The following GAS1 variants were observed in gnomAD, a reference collection of about 807,000 sequenced individuals.
The protein encoded by GAS1 is growth arrest specific 1.
A neutral mutation model predicts 21.6 loss-of-function variants in GAS1; 10 were observed. That is an observed-to-expected ratio of 0.46 (90% confidence interval 0.29 to 0.79). GAS1 has a LOEUF of 0.79. GAS1 is among the 30% of genes least tolerant of loss of function. The probability of loss-of-function intolerance (pLI) is 0.10; values close to 1 mark genes in which losing one functional copy is unlikely to be tolerated. For missense variants in GAS1, 567 were observed against 544.3 expected (o/e 1.04, Z -0.42); for synonymous variants, 332 against 264.0 (o/e 1.26, Z -2.50).
Position 86,947,407 on chromosome 9 carries a change from C to T in GAS1, c.-628G>A, listed in dbSNP as rs1377103146. On this transcript the variant is annotated 5_prime_UTR_variant, in exon 1 of 1. Coordinates refer to ENST00000298743, the MANE Select transcript of GAS1 (RefSeq NM_002048.3). ...CTCTTTCCGGGAAGCGCGGGGAGAACAAGAAAGTCGGCGCTGCCGGAGAGC... is the reference window on the plus strand; with the variant it reads ...CTCTTTCCGGGAAGCGCGGGGAGAATAAGAAAGTCGGCGCTGCCGGAGAGC... Among the ~76,000 whole-genome samples, 1 of 152,054 alleles carries T rather than the reference C, an allele frequency of 6.6e-6. No homozygotes were observed. The highest frequency in any genetic ancestry group is 2.4e-5 in the African/African-American group (1 of 41,436).
rs1312367344 is a variant in GAS1 at position 86,947,252 on chromosome 9, C to T, written c.-473G>A. The T allele has an allele frequency of 6.6e-6, 1 of 151,596 alleles. No homozygotes were observed. The highest frequency in any genetic ancestry group is 1.5e-5 in the Non-Finnish European group (1 of 67,940). The allele number at this position is 151,596 out of a possible 1,614,324, so 9.4% of individuals were successfully genotyped here. ...AGTGCCTCGCCGCCGCCACCGCCGC[C>T]GCGGTCTCTCGCATCGCGCCGCTTC... On this transcript the variant is annotated 5_prime_UTR_variant, in exon 1 of 1. Coordinates refer to ENST00000298743, the MANE Select transcript of GAS1 (RefSeq NM_002048.3).
rs1285964404 is a variant in GAS1 at position 86,946,013 on chromosome 9, C to A, written c.767G>T (p.Gly256Val). Residue 256 changes from glycine to valine, a missense_variant, in exon 1 of 1, where the codon GGC becomes GTC. Gly to Val is a moderately radical substitution (Grantham distance 109). Transcript: ENST00000298743. This position sits in a 1 kb window ranked among gnomAD's most constrained non-coding sequence, Gnocchi z 5.2. ...AELGNGPGSS[G>V]SDGGLDDYYD... ...GTAGTCGTCCAGGCCCCCGTCCGAG[C>A]CGCTGCTGCCGGGGCCGTTGCCCAG... 2 of 1,608,112 alleles carry A rather than the reference C, an allele frequency of 1.2e-6. No homozygotes were observed. Among genetic ancestry groups the A allele is most frequent in the African/African-American group, 2.7e-5 (2 of 74,882 alleles).
rs981927518 is a variant in GAS1, at chr9:86,945,836, C to A, written c.944G>T (p.Arg315Leu). 65 of 1,505,534 alleles carry A rather than the reference C, an allele frequency of 4.3e-5. No homozygotes were observed. The highest frequency in any genetic ancestry group is 5.5e-5 in the Non-Finnish European group (62 of 1,130,026). The allele number at this position is 1,505,534 out of a possible 1,614,324, so 93.3% of individuals were successfully genotyped here. A position where few individuals can be genotyped will look rare whatever the true frequency, so the allele number is the denominator to read the frequency against. ...GCGGCCGCCGCCGCCGCTGCTCCTG[C>A]GCCCAGGCCCATAGGGCAGGTCCCC... ...GRGDLPYGPG[R>L]RSSGGGGRLA... is the part of the protein sequence containing the mutation. Residue 315 changes from arginine (R) to leucine (L), a missense_variant, in exon 1 of 1, where the codon CGC becomes CTC. Coordinates refer to ENST00000298743, the MANE Select transcript of GAS1 (RefSeq NM_002048.3).
At position 86,946,216 on chromosome 9, in the gene GAS1, G is replaced by A. The variant is rs752725446; in HGVS notation, c.564C>T (p.Thr188=). Residue 188 remains threonine (T), a synonymous_variant, in exon 1 of 1, where the codon ACC becomes ACT. Coordinates refer to ENST00000298743, the MANE Select transcript of GAS1 (RefSeq NM_002048.3). The surrounding 1 kb of genome is among the most constrained non-coding windows in gnomAD (Gnocchi z 5.2). ...RCNLALSRYL[T]YCGKVFNGLR... is the part of the protein sequence containing the mutation. ...GCCCGTTGAAGACTTTGCCGCAGTAGGTCAGGTAGCGGCTCAGCGCCAGGT... is the reference window on the plus strand; with the variant it reads ...GCCCGTTGAAGACTTTGCCGCAGTAAGTCAGGTAGCGGCTCAGCGCCAGGT... 6.3e-7 allele frequency: 1 copy of A among 1,597,976 alleles called. No individual in the cohort carries two copies. The highest frequency in any genetic ancestry group is 8.5e-7 in the Non-Finnish European group (1 of 1,177,904).
Position 86,946,412 on chromosome 9 carries a change from G to A in GAS1, c.368C>T (p.Pro123Leu), listed in dbSNP as rs942754517. 8 of 1,492,102 alleles carry A rather than the reference G, an allele frequency of 5.4e-6. No homozygotes were observed. Among genetic ancestry groups the A allele is most frequent in the East Asian group, 2.7e-5 (1 of 36,392 alleles). The allele number at this position is 1,492,102 out of a possible 1,614,324, so 92.4% of individuals were successfully genotyped here. The change falls in exon 1 of 1, where the codon CCC becomes CTC. Residue 123 changes from proline to leucine, a missense_variant. Pro to Leu is a moderately conservative substitution (Grantham distance 98, BLOSUM62 -3). Coordinates refer to ENST00000298743, the MANE Select transcript of GAS1 (RefSeq NM_002048.3). This position sits in a 1 kb window ranked among gnomAD's most constrained non-coding sequence, Gnocchi z 5.2. ...CGCGCAGTCACAGTCCTCCAGGGCG[G>A]GCCCGCGGCGCGTGTGGTTGAGCTG... ...LIQLNHTRRG[P>L]ALEDCDCAQD...
At position 86,945,761 on chromosome 9, in the gene GAS1, A is replaced by C; in HGVS notation, c.1019T>G (p.Leu340Arg). The C allele has an allele frequency of 6.6e-7, 1 of 1,521,722 alleles. No individual in the cohort carries two copies. Among genetic ancestry groups the C allele is most frequent in the Non-Finnish European group, 8.8e-7 (1 of 1,133,186 alleles). The allele number at this position is 1,521,722 out of a possible 1,614,324, so 94.3% of individuals were successfully genotyped here. A position where few individuals can be genotyped will look rare whatever the true frequency, so the allele number is the denominator to read the frequency against. The change falls in exon 1 of 1, where the codon CTG becomes CGG. Residue 340 changes from leucine (L) to arginine (R), a missense_variant. Coordinates refer to ENST00000298743, the MANE Select transcript of GAS1 (RefSeq NM_002048.3). The part of the protein sequence containing the change: ...WTPLASILLL[L>R]LGPLF ...CGAGGGCTAAAAGAGCGGCCCAAGC[A>C]GCAGCAGCAAGATGGAGGCGAGTGG...
chr9:86,945,670 C>T lies in GAS1; in HGVS notation c.*72G>A. On this transcript the variant is annotated 3_prime_UTR_variant, in exon 1 of 1. Transcript: ENST00000298743. ...CTATCTGTCCCAAGCCACAGGTGCC[C>T]GGCGCGGGGTCGAGGCGAGCACGGG... 1 of 1,400,350 alleles carries T rather than the reference C, an allele frequency of 7.1e-7. No homozygotes were observed. The highest frequency in any genetic ancestry group is 3.0e-5 in the East Asian group (1 of 33,648). The allele number at this position is 1,400,350 out of a possible 1,614,324, so 86.7% of individuals were successfully genotyped here.
chr9:86,945,579 G>C lies in GAS1; in HGVS notation c.*163C>G, dbSNP rs1825469648. The C allele has an allele frequency of 1.6e-6, 1 of 606,790 alleles. No individual in the cohort carries two copies. The highest frequency in any genetic ancestry group is 2.0e-5 in the African/African-American group (1 of 50,890). 37.6% of individuals were successfully genotyped at this position (606,790 alleles called of 1,614,324 possible). On this transcript the variant is annotated 3_prime_UTR_variant, in exon 1 of 1. Coordinates refer to ENST00000298743, the MANE Select transcript of GAS1 (RefSeq NM_002048.3). Reference sequence around the variant, plus strand: ...TTCAGGGGAAGTGCCCAGAGTCGTGGCCGGGGAACCGGCTACACCAAGTTG... The same window carrying C: ...TTCAGGGGAAGTGCCCAGAGTCGTGCCCGGGGAACCGGCTACACCAAGTTG...
chr9:86,946,361 T>C lies in GAS1; in HGVS notation c.419A>G (p.Lys140Arg), dbSNP rs1825489318. ...CAQDENCKST[K>R]RAIEPCLPRT... ...GGGCAGGCACGGCTCAATGGCGCGC[T>C]TGGTGGACTTGCAGTTCTCGTCCTG... The change falls in exon 1 of 1, where the codon AAG (lysine) becomes AGG (arginine). Residue 140 changes from lysine (K) to arginine (R), a missense_variant. Physicochemically the swap from Lys to Arg is conservative, Grantham distance 26 (BLOSUM62 2). Coordinates refer to ENST00000298743, the MANE Select transcript of GAS1 (RefSeq NM_002048.3). This position sits in a 1 kb window ranked among gnomAD's most constrained non-coding sequence, Gnocchi z 5.2. 2 of 1,467,402 alleles carry C rather than the reference T, an allele frequency of 1.4e-6. No individual in the cohort carries two copies. The highest frequency in any genetic ancestry group is 9.0e-7 in the Non-Finnish European group (1 of 1,112,110). 90.9% of individuals were successfully genotyped at this position (1,467,402 alleles called of 1,614,324 possible).
chr9:86,945,780 C>T lies in GAS1; in HGVS notation c.1000G>A (p.Ala334Thr), dbSNP rs752391786. 2.7e-6 allele frequency: 4 copies of T among 1,503,682 alleles called. No homozygotes were observed. Among genetic ancestry groups the T allele is most frequent in the South Asian group, 2.4e-5 (2 of 81,806 alleles). 93.1% of individuals were successfully genotyped at this position (1,503,682 alleles called of 1,614,324 possible). ...CCAAGCAGCAGCAGCAAGATGGAGG[C>T]GAGTGGGGTCCAGGCGCCCCGGGGC... is the stretch of plus-strand genomic sequence containing the variant. ...LAPRGAWTPL[A>T]SILLLLLGPL... Residue 334 changes from alanine (A) to threonine (T), a missense_variant, in exon 1 of 1, where the codon GCC becomes ACC. Physicochemically the swap from Ala to Thr is moderately conservative, Grantham distance 58. Coordinates refer to ENST00000298743, the MANE Select transcript of GAS1 (RefSeq NM_002048.3).
rs1322731786 is a variant in GAS1, at chr9:86,945,794, G to A, written c.986C>T (p.Ala329Val). Residue 329 changes from alanine to valine, a missense_variant, in exon 1 of 1, where the codon GCC (alanine) becomes GTC (valine). Physicochemically the swap from Ala to Val is moderately conservative, Grantham distance 64. Transcript: ENST00000298743. ...GGGGRLAPRGAWTPLASILLL... is the reference protein window; with the variant it reads ...GGGGRLAPRGVWTPLASILLL... Reference sequence around the variant, plus strand: ...CAAGATGGAGGCGAGTGGGGTCCAGGCGCCCCGGGGCGCCAAGCGGCCGCC... The same window carrying A: ...CAAGATGGAGGCGAGTGGGGTCCAGACGCCCCGGGGCGCCAAGCGGCCGCC... 2.0e-6 allele frequency: 3 copies of A among 1,517,310 alleles called. No individual in the cohort carries two copies. The highest frequency in any genetic ancestry group is 2.7e-5 in the East Asian group (1 of 37,530). The allele number at this position is 1,517,310 out of a possible 1,614,324, so 94.0% of individuals were successfully genotyped here. A position where few individuals can be genotyped will look rare whatever the true frequency, so the allele number is the denominator to read the frequency against.
chr9:86,946,614 G>C lies in GAS1; in HGVS notation c.166C>G (p.Gln56Glu), dbSNP rs1825497984. 2.1e-6 allele frequency: 3 copies of C among 1,451,518 alleles called. No homozygotes were observed. The highest frequency in any genetic ancestry group is 2.7e-6 in the Non-Finnish European group (3 of 1,104,542). The allele number at this position is 1,451,518 out of a possible 1,614,324, so 89.9% of individuals were successfully genotyped here. Residue 56 changes from glutamine (Q) to glutamate (E), a missense_variant, in exon 1 of 1, where the codon CAG (glutamine) becomes GAG (glutamate). Physicochemically the swap from Gln to Glu is conservative, Grantham distance 29. Coordinates refer to ENST00000298743, the MANE Select transcript of GAS1 (RefSeq NM_002048.3). The surrounding 1 kb of genome is among the most constrained non-coding windows in gnomAD (Gnocchi z 5.2). ...GCGTAGCTGCACTCCGGCTCCCCCTGGCACTGCAGCAGCGCCTGCCAGCAG... is the reference window on the plus strand; with the variant it reads ...GCGTAGCTGCACTCCGGCTCCCCCTCGCACTGCAGCAGCGCCTGCCAGCAG... The part of the protein sequence containing the change: ...LICWQALLQC[Q>E]GEPECSYAYN...
rs941485228 is a variant in GAS1 at position 86,946,875 on chromosome 9, G to A, written c.-96C>T. Reference sequence around the variant, plus strand: ...CGGTGGAAAAGTTTGTCCAAGTCCTGCCCACTTCTTGCATGAGTGTCTTCA... The same window carrying A: ...CGGTGGAAAAGTTTGTCCAAGTCCTACCCACTTCTTGCATGAGTGTCTTCA... On this transcript the variant is annotated 5_prime_UTR_variant, in exon 1 of 1. Transcript: ENST00000298743. The surrounding 1 kb of genome is among the most constrained non-coding windows in gnomAD (Gnocchi z 5.2). 1.8e-5 allele frequency: 7 copies of A among 383,462 alleles called. No individual in the cohort carries two copies. The highest frequency in any genetic ancestry group is 2.4e-5 in the Non-Finnish European group (5 of 210,582). The allele number at this position is 383,462 out of a possible 1,614,324, so 23.8% of individuals were successfully genotyped here. A position where few individuals can be genotyped will look rare whatever the true frequency, so the allele number is the denominator to read the frequency against.
In GAS1 at chr9:86,946,590, C is replaced by T; in HGVS notation, c.190G>A (p.Ala64Thr). 2 of 1,444,554 alleles carry T rather than the reference C, an allele frequency of 1.4e-6. No homozygotes were observed. Among genetic ancestry groups the T allele is most frequent in the South Asian group, 1.3e-5 (1 of 75,046 alleles). The allele number at this position is 1,444,554 out of a possible 1,614,324, so 89.5% of individuals were successfully genotyped here. ...QCQGEPECSY[A>T]YNQYAEACAP... ...CACGCCTCGGCGTACTGGTTGTAGG[C>T]GTAGCTGCACTCCGGCTCCCCCTGG... The change falls in exon 1 of 1, where the codon GCC becomes ACC. Residue 64 changes from alanine to threonine, a missense_variant. Coordinates refer to ENST00000298743, the MANE Select transcript of GAS1 (RefSeq NM_002048.3). This position sits in a 1 kb window ranked among gnomAD's most constrained non-coding sequence, Gnocchi z 5.2.
Position 86,946,607 on chromosome 9 carries a change from T to C in GAS1, c.173A>G (p.Glu58Gly). 1 of 1,448,904 alleles carries C rather than the reference T, an allele frequency of 6.9e-7. No individual in the cohort carries two copies. The highest frequency in any genetic ancestry group is 9.1e-7 in the Non-Finnish European group (1 of 1,103,442). 89.8% of individuals were successfully genotyped at this position (1,448,904 alleles called of 1,614,324 possible). The part of the protein sequence containing the change: ...CWQALLQCQG[E>G]PECSYAYNQY... ...GTTGTAGGCGTAGCTGCACTCCGGC[T>C]CCCCCTGGCACTGCAGCAGCGCCTG... is the stretch of plus-strand genomic sequence containing the variant. The change falls in exon 1 of 1, where the codon GAG becomes GGG. Residue 58 changes from glutamate to glycine, a missense_variant. By Grantham distance (98) the Glu-to-Gly change is moderately conservative (BLOSUM62 -2). Coordinates refer to ENST00000298743, the MANE Select transcript of GAS1 (RefSeq NM_002048.3). The surrounding 1 kb of genome is among the most constrained non-coding windows in gnomAD (Gnocchi z 5.2).
Position 86,945,813 on chromosome 9 carries a change from GGCCGCC to G in GAS1, c.961_966del (p.Gly321_Gly322del). Reference sequence around the variant, plus strand: ...GTCCAGGCGCCCCGGGGCGCCAAGCGGCCGCCGCCGCCGCTGCTCCTGCGCCCAGGC... The same window carrying G: ...GTCCAGGCGCCCCGGGGCGCCAAGCGGCCGCCGCTGCTCCTGCGCCCAGGC... On this transcript the variant is annotated inframe_deletion, in exon 1 of 1. Transcript: ENST00000298743. The G allele has an allele frequency of 2.0e-6, 3 of 1,514,914 alleles. No individual in the cohort carries two copies. Among genetic ancestry groups the G allele is most frequent in the Non-Finnish European group, 2.6e-6 (3 of 1,132,868 alleles). 93.8% of individuals were successfully genotyped at this position (1,514,914 alleles called of 1,614,324 possible).
At position 86,946,435 on chromosome 9, in the gene GAS1, C is replaced by G; in HGVS notation, c.345G>C (p.Gln115His). The G allele has an allele frequency of 1.3e-6, 2 of 1,486,010 alleles. No homozygotes were observed. The highest frequency in any genetic ancestry group is 1.8e-6 in the Non-Finnish European group (2 of 1,122,272). 92.1% of individuals were successfully genotyped at this position (1,486,010 alleles called of 1,614,324 possible). The change falls in exon 1 of 1, where the codon CAG (glutamine) becomes CAC (histidine). Residue 115 changes from glutamine (Q) to histidine (H), a missense_variant. Gln to His is a conservative substitution (Grantham distance 24). Transcript: ENST00000298743. The surrounding 1 kb of genome is among the most constrained non-coding windows in gnomAD (Gnocchi z 5.2). Reference sequence around the variant, plus strand: ...CGGGCCCGCGGCGCGTGTGGTTGAGCTGAATGAGGGCCGAGATGCAGTGAC... The same window carrying G: ...CGGGCCCGCGGCGCGTGTGGTTGAGGTGAATGAGGGCCGAGATGCAGTGAC... ...CPSHCISALI[Q>H]LNHTRRGPAL... is the part of the protein sequence containing the mutation.
chr9:86,945,978 C>T lies in GAS1; in HGVS notation c.802G>A (p.Asp268Asn). ...DGGLDDYYDE[D>N]YDDEQRTGGA... Reference sequence around the variant, plus strand: ...CCGGTGCGCTGCTCGTCATCGTAGTCCTCATCGTAGTAGTCGTCCAGGCCC... The same window carrying T: ...CCGGTGCGCTGCTCGTCATCGTAGTTCTCATCGTAGTAGTCGTCCAGGCCC... Residue 268 changes from aspartate to asparagine, a missense_variant, in exon 1 of 1, where the codon GAC (aspartate) becomes AAC (asparagine). Physicochemically the swap from Asp to Asn is conservative, Grantham distance 23. Transcript: ENST00000298743. 3.1e-6 allele frequency: 5 copies of T among 1,607,344 alleles called. No homozygotes were observed. In the South Asian group the frequency reaches 5.5e-5, roughly 18 times the overall value.
At position 86,946,873 on chromosome 9, in the gene GAS1, CTGCCCACTTCT is replaced by C; in HGVS notation, c.-105_-95del. ...GCCGGTGGAAAAGTTTGTCCAAGTC[CTGCCCACTTCT>C]TGCATGAGTGTCTTCATAAATCCAT... On this transcript the variant is annotated 5_prime_UTR_variant, in exon 1 of 1. Transcript: ENST00000298743. This position sits in a 1 kb window ranked among gnomAD's most constrained non-coding sequence, Gnocchi z 5.2. The C allele has an allele frequency of 2.6e-6, 1 of 384,040 alleles. No individual in the cohort carries two copies. The highest frequency in any genetic ancestry group is 7.7e-4 in the Middle Eastern group (1 of 1,296). The allele number at this position is 384,040 out of a possible 1,614,324, so 23.8% of individuals were successfully genotyped here.
Sources: allele counts gnomAD v4.1 joint callset (sites outside exome capture counted in the v4.1 genomes callset), GRCh38; gene constraint gnomAD v4.1.1; non-coding constraint Gnocchi (gnomAD v3.1); transcripts MANE v1.5; gene names NCBI Gene and HGNC (gene_info 2026-07-23, HGNC 2026-07-21).